Variants in ROBO2 observed in about 807,000 individuals in gnomAD.
The protein encoded by ROBO2 is roundabout homolog 2.
In ROBO2, 53 loss-of-function variants were observed where a neutral mutation model predicts 160.8. The ratio of observed to expected loss-of-function variants is 0.33; its 90% CI spans 0.26 to 0.41. The LOEUF is 0.41. ROBO2 is among the 10% of genes least tolerant of loss of function. The pLI is 1.00. For missense variants in ROBO2, 1,577 were observed against 1,722.4 expected, an observed-to-expected ratio of 0.92 and a Z score of 1.49; for synonymous variants, 664 against 611.7, an observed-to-expected ratio of 1.09 and a Z score of -1.26.
chr3:77,057,123 A>G (rs564292094), intron 1 of ROBO2, among the ~76,000 whole-genome samples: 2 of 152,344 alleles, frequency 1.3e-5, no homozygotes, highest in African/African-American at 4.8e-5. Context: ...ATGGAATACT[A>G]TGCAGCCATA....
chr3:77,201,910 C>T (rs1401140798), intron 2 of ROBO2, among the ~76,000 whole-genome samples: 1 of 152,104 alleles, frequency 6.6e-6, no homozygotes, highest in African/African-American at 2.4e-5. Context: ...CCTTGATCTT[C>T]AAGGACAAAA....
At chr3:76,439,377 T>C (rs2076821200) in intron 2 of ROBO2, among the ~76,000 whole-genome samples, 1 of 140,948 alleles carries the variant, frequency 7.1e-6, no homozygotes, top group South Asian at 2.3e-4. Flanking sequence ...TTAGAACTAG[T>C]GGGAAAACAG....
At chr3:77,057,462 A>T (rs1339534422) in intron 1 of ROBO2, among the ~76,000 whole-genome samples, 3 of 152,050 alleles carry the variant, frequency 2.0e-5, no homozygotes, top group African/African-American at 7.2e-5. Flanking sequence ...AGGTATATAT[A>T]TTAAAAAAAG....
At chr3:76,634,621 A>G (rs2090218544) in intron 2 of ROBO2, among the ~76,000 whole-genome samples, 1 of 152,124 alleles carries the variant, frequency 6.6e-6, no homozygotes, top group Non-Finnish European at 1.5e-5. Flanking sequence ...GACCACTCTA[A>G]TGGCCTCATT....
At chr3:77,181,285 C>T (rs894894534) in intron 2 of ROBO2, among the ~76,000 whole-genome samples, 1 of 152,026 alleles carries the variant, frequency 6.6e-6, no homozygotes, top group Non-Finnish European at 1.5e-5. Flanking sequence ...GATTATCTGA[C>T]TTGTTGTGGA....
At chr3:77,050,236 ACC>A in intron 1 of ROBO2, among the ~76,000 whole-genome samples, 1 of 152,094 alleles carries the variant, frequency 6.6e-6, no homozygotes, top group African/African-American at 2.4e-5. Flanking sequence ...GTTATTGAAA[ACC>A]AAGCTTATTA....
chr3:76,906,785 C>A (rs2075634644), intron 2 of ROBO2, among the ~76,000 whole-genome samples: 1 of 152,044 alleles, frequency 6.6e-6, no homozygotes, highest in South Asian at 2.1e-4. Flanking sequence ...AATGTCCATC[C>A]CTTTTCTCCA....
At chr3:76,160,290 C>A (rs1468602107) in intron 2 of ROBO2, among the ~76,000 whole-genome samples, 1 of 152,116 alleles carries the variant, frequency 6.6e-6, no homozygotes, top group East Asian at 1.9e-4. Flanking sequence ...TTAAAATATC[C>A]ATTGAAAGCT....
intron 2 of ROBO2, among the ~76,000 whole-genome samples, chr3:76,885,618 G>A (rs1333714920): frequency 6.6e-6 from 1 of 152,086 alleles, no homozygotes; most frequent in Admixed American, 6.6e-5. Flanking sequence ...CATCACAAAA[G>A]TAGATCTCAA....
chr3:76,752,797 G>T (rs2060750539), intron 2 of ROBO2, among the ~76,000 whole-genome samples: 1 of 145,000 alleles, frequency 6.9e-6, no homozygotes, highest in Non-Finnish European at 1.5e-5. Flanking sequence ...ATCTTTAAGG[G>T]AATATAGTAT....
chr3:76,603,343 A>T (rs1319787744), intron 2 of ROBO2, among the ~76,000 whole-genome samples: 1,570 of 74,158 alleles, frequency 0.021, 4 homozygotes, highest in Non-Finnish European at 0.03. Context: ...AAAAAAAAAA[A>T]AAAAAAAAAT....
intron 5 of ROBO2, among the ~76,000 whole-genome samples, chr3:77,497,432 T>C (rs1052417898): frequency 6.6e-6 from 1 of 152,132 alleles, no homozygotes; most frequent in Non-Finnish European, 1.5e-5. Flanking sequence ...CTACATTTAG[T>C]GAGTGCCTAC....
At chr3:76,707,276 A>G (rs988116317) in intron 2 of ROBO2, among the ~76,000 whole-genome samples, 11 of 152,080 alleles carry the variant, frequency 7.2e-5, no homozygotes, top group Admixed American at 7.2e-4. Flanking sequence ...CTGTTTCCCT[A>G]TTGCTAACAG....
chr3:77,443,011 TGTTA>T (rs1332350441), intron 2 of ROBO2, among the ~76,000 whole-genome samples: 1 of 152,232 alleles, frequency 6.6e-6, no homozygotes, highest in East Asian at 1.9e-4. Flanking sequence ...CTGAGTGCAT[TGTTA>T]GTTTTTGTTA....
intron 2 of ROBO2, among the ~76,000 whole-genome samples, chr3:77,176,039 T>C (rs2080118177): frequency 6.6e-6 from 1 of 151,918 alleles, no homozygotes; most frequent in South Asian, 2.1e-4. Context: ...AATTAGTCTG[T>C]GGTAGGACCT....
intron 2 of ROBO2, among the ~76,000 whole-genome samples, chr3:76,898,316 C>T (rs1263918364): frequency 6.6e-6 from 1 of 151,830 alleles, no homozygotes; most frequent in Non-Finnish European, 1.5e-5. Context: ...TAAGACATCC[C>T]AAAATTAAGA....
At chr3:77,305,435 A>G (rs1351051372) in intron 2 of ROBO2, among the ~76,000 whole-genome samples, 1 of 152,186 alleles carries the variant, frequency 6.6e-6, no homozygotes, top group East Asian at 1.9e-4. Context: ...ATGCACAGCA[A>G]TACATCAGCA....
intron 5 of ROBO2, among the ~76,000 whole-genome samples, chr3:77,521,257 A>G (rs1049943790): frequency 6.6e-6 from 1 of 151,226 alleles, no homozygotes; most frequent in Admixed American, 6.6e-5. Flanking sequence ...AAGTCCATGA[A>G]TACAACTCTG....
rs577874924 is a variant in ROBO2 at position 76,571,262 on chromosome 3, T to C, written c.110-526752T>C. Among the ~76,000 whole-genome samples, 5 of 152,294 alleles carry C rather than the reference T, an allele frequency of 3.3e-5. No homozygotes were observed. In the South Asian group the frequency reaches 1.0e-3, roughly 32 times the overall value. ...GTAGGTCATGTTACTTGTTAGGAGATAAGATTTTACCAGAATACATGTAGT... is the reference window on the plus strand; with the variant it reads ...GTAGGTCATGTTACTTGTTAGGAGACAAGATTTTACCAGAATACATGTAGT... On this transcript the variant is annotated intron_variant, in intron 2 of 26. Coordinates refer to the ROBO2 transcript ENST00000487694.
Sources: allele counts gnomAD v4.1 joint callset (sites outside exome capture counted in the v4.1 genomes callset), GRCh38; gene constraint gnomAD v4.1.1; transcripts MANE v1.5; gene names NCBI Gene and HGNC (gene_info 2026-07-23, HGNC 2026-07-21).